ATXN7L1: variants seen among roughly 807,000 people sequenced by gnomAD.
ATXN7L1 encodes the protein ataxin 7 like 1, also known as ataxin-7-like protein 1.
A neutral mutation model predicts 70.8 loss-of-function variants in ATXN7L1; 15 were observed. The observed-to-expected ratio is 0.21, with a 90% CI of 0.14 to 0.33. The LOEUF (loss-of-function observed/expected upper bound fraction) is 0.33, where lower values mean the gene tolerates loss of function less well. Among genes scored for constraint, ATXN7L1 ranks in the 10% least tolerant of loss-of-function variants. The pLI is 1.00. For synonymous variants in ATXN7L1, 440 were observed against 445.1 expected, an observed-to-expected ratio of 0.99 and a Z score of 0.14; for missense variants, 975 against 1,097.1, an observed-to-expected ratio of 0.89 and a Z score of 1.57.
At chr7:105,820,973 G>A (rs993235548) in intron 2 of ATXN7L1, among the ~76,000 whole-genome samples, 1 of 152,206 alleles carries the variant, frequency 6.6e-6, no homozygotes, top group African/African-American at 2.4e-5. Context: ...TGCCGAGCAG[G>A]TGTTGGTGCC....
rs559738621 is a variant in ATXN7L1 at position 105,758,849 on chromosome 7, C to T, written c.355+29755G>A. Among the ~76,000 whole-genome samples the T allele has an allele frequency of 2.6e-5, 4 of 152,272 alleles. No homozygotes were observed. In the South Asian group the frequency reaches 6.2e-4, roughly 24 times the overall value. On this transcript the variant is annotated intron_variant, in intron 3 of 11. Transcript: ENST00000419735. The stretch of plus-strand genomic sequence containing the variant: ...AGGAAACCACTCTGCTGATGACACT[C>T]AACATCTGAACACAGGACAGTAAAA...
intron 3 of ATXN7L1, among the ~76,000 whole-genome samples, chr7:105,763,781 G>A (rs1800863723): frequency 6.6e-6 from 1 of 152,146 alleles, no homozygotes; most frequent in African/African-American, 2.4e-5. Context: ...ACCCATGCAG[G>A]AGGTGGCAAT....
rs78062032 is a variant in ATXN7L1 at position 105,812,710 on chromosome 7, C to G, written c.251-24002G>C. 0.011 allele frequency among the ~76,000 whole-genome samples: 1,679 copies of G among 152,280 alleles called. 70 individuals are homozygous for G. In the East Asian group the frequency reaches 0.13, roughly 12 times the overall value. Reference sequence around the variant, plus strand: ...GTGTCAGGAATTCATCAGTGATAAACAAAGATCTAGCTGGGCATGGTGGCT... The same window carrying G: ...GTGTCAGGAATTCATCAGTGATAAAGAAAGATCTAGCTGGGCATGGTGGCT... On this transcript the variant is annotated intron_variant, in intron 2 of 11. Coordinates refer to ENST00000419735, the MANE Select transcript of ATXN7L1 (RefSeq NM_020725.2).
chr7:105,642,785 C>T (rs763511846), intron 5 of ATXN7L1, 53 bp downstream of exon 5: 15 of 1,492,434 alleles, frequency 1.0e-5, no homozygotes, highest in South Asian at 2.6e-5. Flanking sequence ...GTTATGGCTG[C>T]GACTCCCTTT....
intron 3 of ATXN7L1, among the ~76,000 whole-genome samples, chr7:105,700,660 C>G (rs972141361): frequency 6.6e-6 from 1 of 151,860 alleles, no homozygotes; most frequent in Non-Finnish European, 1.5e-5. Context: ...CCTTGGCTTT[C>G]TACCCTGAGC....
At chr7:105,833,292 TTA>T (rs1811896541) in intron 2 of ATXN7L1, among the ~76,000 whole-genome samples, 1 of 152,156 alleles carries the variant, frequency 6.6e-6, no homozygotes, top group African/African-American at 2.4e-5. Flanking sequence ...CCCTGCTGCA[TTA>T]TCTTTTGTTC....
intron 2 of ATXN7L1, among the ~76,000 whole-genome samples, chr7:105,794,337 C>T (rs1463146900): frequency 6.6e-6 from 1 of 152,174 alleles, no homozygotes; most frequent in South Asian, 2.1e-4. Context: ...TACCAGCTCA[C>T]AAGAGCTGAA....
intron 2 of ATXN7L1, among the ~76,000 whole-genome samples, chr7:105,821,649 T>A (rs2116566614): frequency 6.6e-6 from 1 of 152,364 alleles, no homozygotes; most frequent in East Asian, 1.9e-4. Context: ...CAGAGCAATC[T>A]GAATTTGATT....
At chr7:105,751,233 G>T (rs576233178) in intron 3 of ATXN7L1, among the ~76,000 whole-genome samples, 2 of 152,176 alleles carry the variant, frequency 1.3e-5, no homozygotes, top group South Asian at 4.2e-4. Context: ...GAGGGAGGTG[G>T]GAGTGTTATA....
chr7:105,837,920 C>T (rs1011367898), intron 2 of ATXN7L1, among the ~76,000 whole-genome samples: 15 of 152,104 alleles, frequency 9.9e-5, no homozygotes, highest in Admixed American at 2.0e-4. Context: ...CGCTCGCTCT[C>T]GATGGCGCAG....
intron 3 of ATXN7L1, among the ~76,000 whole-genome samples, chr7:105,769,960 C>G (rs1261152382): frequency 6.6e-6 from 1 of 152,182 alleles, no homozygotes; most frequent in African/African-American, 2.4e-5. Context: ...CCTAACAGCT[C>G]GTGGCATTCG....
intron 4 of ATXN7L1, among the ~76,000 whole-genome samples, chr7:105,662,029 T>C (rs1039647404): frequency 1.5e-5 from 1 of 65,090 alleles, no homozygotes; most frequent in Non-Finnish European, 2.8e-5. Context: ...TTTCTTTCTT[T>C]CCTTCCTTCC....
chr7:105,850,731 G>C (rs1038239695), intron 2 of ATXN7L1, among the ~76,000 whole-genome samples: 1 of 152,118 alleles, frequency 6.6e-6, no homozygotes, highest in African/African-American at 2.4e-5. Context: ...TGCCTGTTTG[G>C]AAAGTGATCC....
At chr7:105,636,739 A>T (rs1797444408) in intron 7 of ATXN7L1, among the ~76,000 whole-genome samples, 2 of 152,150 alleles carry the variant, frequency 1.3e-5, no homozygotes, top group Non-Finnish European at 2.9e-5. Flanking sequence ...GAAGGCTTTC[A>T]AACTGGGTTC....
At chr7:105,691,344 C>A (rs995290726) in intron 3 of ATXN7L1, among the ~76,000 whole-genome samples, 7 of 152,110 alleles carry the variant, frequency 4.6e-5, no homozygotes, top group Non-Finnish European at 8.8e-5. Flanking sequence ...TATTAAGTGA[C>A]CCCTAAGAAA....
intron 3 of ATXN7L1, among the ~76,000 whole-genome samples, chr7:105,741,099 A>G (rs960515032): frequency 6.6e-6 from 1 of 152,104 alleles, no homozygotes; most frequent in Non-Finnish European, 1.5e-5. Flanking sequence ...AGGACCAGTG[A>G]GAACCCTAAG....
At chr7:105,713,028 C>G (rs1794117223) in intron 3 of ATXN7L1, among the ~76,000 whole-genome samples, 1 of 152,064 alleles carries the variant, frequency 6.6e-6, no homozygotes, top group South Asian at 2.1e-4. Flanking sequence ...GACTGGGAGG[C>G]CTCAGAAAAT....
chr7:105,708,105 A>G (rs1793407406), intron 3 of ATXN7L1, among the ~76,000 whole-genome samples: 1 of 152,218 alleles, frequency 6.6e-6, no homozygotes, highest in African/African-American at 2.4e-5. Context: ...AAGAGGAAGG[A>G]CGTGCTCTGC....
At chr7:105,680,580 C>G (rs1489601493) in intron 3 of ATXN7L1, among the ~76,000 whole-genome samples, 1 of 152,200 alleles carries the variant, frequency 6.6e-6, no homozygotes, top group African/African-American at 2.4e-5. Flanking sequence ...ATCTGACCAG[C>G]CCTCGTTTTC....
Sources: gnomAD v4.1 joint callset for allele counts (sites outside exome capture counted in the v4.1 genomes callset) on GRCh38, gnomAD v4.1.1 for gene constraint, MANE v1.5 for transcripts, NCBI Gene and HGNC (gene_info 2026-07-23, HGNC 2026-07-21) for gene names.